Variants in MASP1 observed in about 807,000 individuals in gnomAD.
The protein encoded by MASP1 is mannan-binding lectin serine protease 1.
In MASP1, 59 loss-of-function variants were observed where a neutral mutation model predicts 77.1. The ratio of observed to expected loss-of-function variants is 0.77; its 90% CI spans 0.62 to 0.95. The LOEUF is 0.95. Among genes scored for constraint, MASP1 ranks in the 40% least tolerant of loss-of-function variants. MASP1 has a pLI of 0.00. For synonymous variants in MASP1, 362 were observed against 354.5 expected, an observed-to-expected ratio of 1.02 and a Z score of -0.24; for missense variants, 885 against 912.9, an observed-to-expected ratio of 0.97 and a Z score of 0.39.
At chr3:187,286,081 C>T (rs1365533802) in intron 1 of MASP1, 25 bp from the exon 2 acceptor site, 2 of 1,574,828 alleles carry the variant, frequency 1.3e-6, no homozygotes, top group South Asian at 2.2e-5. Flanking sequence ...TGTAGGTCTA[C>T]TTACATTTAT....
exon 13 of MASP1, chr3:187,225,328 C>A (rs756877972): frequency 2.5e-6 from 4 of 1,612,938 alleles, no homozygotes. Flanking sequence ...AAGTACCTTC[C>A]TGCTGGGGTC....
At chr3:187,238,924 A>G (rs1032779908) in intron 10 of MASP1, among the ~76,000 whole-genome samples, 3 of 152,166 alleles carry the variant, frequency 2.0e-5, no homozygotes, top group Non-Finnish European at 2.9e-5. Context: ...CGAAGAGAGA[A>G]TTTACAAATT....
intron 2 of MASP1, among the ~76,000 whole-genome samples, chr3:187,266,418 G>A (rs1050738857): frequency 1.2e-4 from 18 of 152,174 alleles, no homozygotes; most frequent in African/African-American, 4.3e-4. Context: ...TATTCTCAGG[G>A]TATCGTAAAT....
exon 16 of MASP1, chr3:187,220,233 A>G (rs1375803876): frequency 6.2e-7 from 1 of 1,614,168 alleles, no homozygotes; most frequent in Non-Finnish European, 8.5e-7. Context: ...TGGGGCCTCC[A>G]GAGTCACCCG....
Position 187,251,412 on chromosome 3 carries a change from T to TAA in MASP1, c.1011+220_1011+221dup, listed in dbSNP as rs11454655. On this transcript the variant is annotated intron_variant, in intron 7 of 10. Transcript: ENST00000296280. Reference sequence around the variant, plus strand: ...AATTCAAACCAGCTCATGCTCTGATTAAAAAAAAAAAAAAAACAAACTTTT... The same window carrying TAA: ...AATTCAAACCAGCTCATGCTCTGATTAAAAAAAAAAAAAAAAAACAAACTTTT... 11,842 of 450,254 alleles carry TAA rather than the reference T, an allele frequency of 0.026. 5 individuals are homozygous for TAA. The highest frequency in any genetic ancestry group is 0.035 in the East Asian group (834 of 23,814). 27.9% of individuals were successfully genotyped at this position (450,254 alleles called of 1,614,324 possible). A position where few individuals can be genotyped will look rare whatever the true frequency, so the allele number is the denominator to read the frequency against.
chr3:187,283,063 G>C (rs968136885), intron 2 of MASP1, among the ~76,000 whole-genome samples: 1 of 152,174 alleles, frequency 6.6e-6, no homozygotes, highest in Non-Finnish European at 1.5e-5. Context: ...TGGGGAGTTA[G>C]TGACAGATCT....
rs1713630219 is a variant in MASP1, at chr3:187,241,462, G to A, written c.1303+19C>T. 1 of 1,609,374 alleles carries A rather than the reference G, an allele frequency of 6.2e-7. No individual in the cohort carries two copies. Among genetic ancestry groups the A allele is most frequent in the Non-Finnish European group, 8.5e-7 (1 of 1,175,802 alleles). On this transcript the variant is annotated intron_variant, in intron 10 of 10. Coordinates refer to ENST00000296280, the MANE Select transcript of MASP1 (RefSeq NM_139125.4). ...TTGGATGGAAAACTGTGAGGCAAAG[G>A]ATTTGGAGGGTGAGGTACCTGGAAG...
chr3:187,249,768 TC>T (rs1279781409), intron 8 of MASP1, among the ~76,000 whole-genome samples: 1 of 152,200 alleles, frequency 6.6e-6, no homozygotes, highest in Non-Finnish European at 1.5e-5. Flanking sequence ...AAGAGCTGTA[TC>T]CTCTGCTTCA....
At chr3:187,252,097 G>C (rs1714659241) in intron 6 of MASP1, among the ~76,000 whole-genome samples, 1 of 152,112 alleles carries the variant, frequency 6.6e-6, no homozygotes, top group South Asian at 2.1e-4. Context: ...GCTCAGCTAG[G>C]AGCCCCACCA....
intron 8 of MASP1, chr3:187,246,422 G>T (rs1159278854): frequency 1.3e-5 from 13 of 985,220 alleles, no homozygotes; most frequent in Admixed American, 6.2e-5. Flanking sequence ...CTCTTCTTTG[G>T]GTGGTGTCTC....
intron 11 of MASP1, among the ~76,000 whole-genome samples, chr3:187,226,917 A>G (rs1001073): frequency 0.25 from 38,206 of 152,050 alleles, 5,212 homozygotes; most frequent in Non-Finnish European, 0.31. Flanking sequence ...CATCACTTGG[A>G]GGCTTCTTAG....
rs761681596 is a variant in MASP1, at chr3:187,220,192, C to T, written c.1979G>A (p.Trp660Ter). ...CCAGGACACAGTGCCCACCAGGTAC[C>T]ACTGGCCTCTTTCTCTATTCAGGGT... The change falls in exon 16 of 16, where the codon TGG (tryptophan) becomes TAG (stop). Residue 660 changes from tryptophan (W) to a stop codon, truncating the protein, a stop_gained. Coordinates refer to the MASP1 transcript ENST00000337774. LOFTEE classifies it high-confidence loss of function. 3 of 1,614,180 alleles carry T rather than the reference C, an allele frequency of 1.9e-6. No individual in the cohort carries two copies. Among genetic ancestry groups the T allele is most frequent in the South Asian group, 1.1e-5 (1 of 91,070 alleles).
At chr3:187,271,904 C>G (rs1159188797) in intron 2 of MASP1, among the ~76,000 whole-genome samples, 1 of 152,174 alleles carries the variant, frequency 6.6e-6, no homozygotes, top group Non-Finnish European at 1.5e-5. Flanking sequence ...ATTTCTCTAG[C>G]CCTTGGGTCG....
At chr3:187,251,798 C>A (rs767235965) in intron 6 of MASP1, 46 bp from the exon 7 acceptor site, 1 of 1,490,008 alleles carries the variant, frequency 6.7e-7, no homozygotes, top group East Asian at 2.3e-5. Flanking sequence ...AAAGAGAATT[C>A]TGACCTTAAA....
rs1560245474 is a variant in MASP1 at position 187,243,544 on chromosome 3, T to C, written c.1168A>G (p.Lys390Glu). ...FSTRNNLTTY[K>E]SEIKYSCQEP... ...TGACAGGAGTATTTGATCTCAGACT[T>C]GTATGTGGTGAGGTTGTTCCTTGTA... Residue 390 changes from lysine (K) to glutamate (E), a missense_variant, in exon 9 of 11, where the codon AAG (lysine) becomes GAG (glutamate). Coordinates refer to ENST00000296280, the MANE Select transcript of MASP1 (RefSeq NM_139125.4). 1 of 1,614,066 alleles carries C rather than the reference T, an allele frequency of 6.2e-7. No individual in the cohort carries two copies. The highest frequency in any genetic ancestry group is 1.3e-5 in the African/African-American group (1 of 75,016).
chr3:187,229,938 G>T, downstream of MASP1: 4 of 1,612,260 alleles, frequency 2.5e-6, no homozygotes, highest in Non-Finnish European at 3.4e-6. Context: ...TCAGACTCTG[G>T]GCTCCATCTT....
At chr3:187,220,225 G>A in exon 16 of MASP1, 1 of 1,614,100 alleles carries the variant, frequency 6.2e-7, no homozygotes, top group Non-Finnish European at 8.5e-7. Flanking sequence ...GGTCACCATG[G>A]GGCCTCCAGA....
At chr3:187,291,284 A>G (rs1341468647) in intron 1 of MASP1, 1 of 433,506 alleles carries the variant, frequency 2.3e-6, no homozygotes, top group East Asian at 5.0e-5. Flanking sequence ...TTTCCAGAGG[A>G]GGAACACGGA....
Position 187,225,485 on chromosome 3 carries a change from T to C in MASP1, c.1580A>G (p.Asp527Gly). ...GACGCCGAGATGCTGTTCATTTTCA[T>C]CTGACCGGAGCCTCCAATGCTTGCC... Residue 527 changes from aspartate (D) to glycine (G), a missense_variant, in exon 13 of 16, where the codon GAT (aspartate) becomes GGT (glycine). By Grantham distance (94) the Asp-to-Gly change is moderately conservative (BLOSUM62 -1). Coordinates refer to the MASP1 transcript ENST00000337774. 6.2e-7 allele frequency: 1 copy of C among 1,614,182 alleles called. No homozygotes were observed. Among genetic ancestry groups the C allele is most frequent in the Non-Finnish European group, 8.5e-7 (1 of 1,180,036 alleles).
Sources: allele counts gnomAD v4.1 joint callset (sites outside exome capture counted in the v4.1 genomes callset), GRCh38; gene constraint gnomAD v4.1.1; transcripts MANE v1.5; gene names NCBI Gene and HGNC (gene_info 2026-07-23, HGNC 2026-07-21).